HECW2: variants seen among roughly 807,000 people sequenced by gnomAD.
HECW2 encodes the protein HECT, C2 and WW domain containing E3 ubiquitin protein ligase 2.
In HECW2, 61 loss-of-function variants were observed where a neutral mutation model predicts 175.2. The ratio of observed to expected loss-of-function variants is 0.35; its 90% CI spans 0.28 to 0.43. HECW2 has a LOEUF of 0.43. Among genes scored for constraint, HECW2 ranks in the 20% least tolerant of loss-of-function variants. HECW2 has a pLI of 1.00. For missense variants in HECW2, 1,524 were observed against 2,000.5 expected (o/e 0.76, Z 4.54); for synonymous variants, 671 against 731.0 (o/e 0.92, Z 1.32).
At chr2:196,293,986 A>G (rs542115464) in intron 13 of HECW2, among the ~76,000 whole-genome samples, 1 of 152,328 alleles carries the variant, frequency 6.6e-6, no homozygotes, top group Non-Finnish European at 1.5e-5. Flanking sequence ...GGTGAATGGA[A>G]TAGCAGGCTG....
At chr2:196,592,931 A>T (rs1320533923) in intron 1 of HECW2, 1 of 151,194 alleles carries the variant, frequency 6.6e-6, no homozygotes, top group Non-Finnish European at 1.5e-5. Context: ...CGCGCGTTGC[A>T]TGCAGCTCAC....
intron 28 of HECW2, among the ~76,000 whole-genome samples, chr2:196,204,483 T>C (rs1195769630): frequency 6.6e-6 from 1 of 152,190 alleles, no homozygotes; most frequent in African/African-American, 2.4e-5. Flanking sequence ...ATGAATTCTA[T>C]AGCTGCAAGG....
At chr2:196,307,344 C>T (rs1266469079) in intron 11 of HECW2, 111 bp from the exon 12 acceptor site, 2 of 620,746 alleles carry the variant, frequency 3.2e-6, no homozygotes, top group Non-Finnish European at 5.6e-6. Context: ...ACTATTTCCT[C>T]CTCCAACCCC....
intron 7 of HECW2, among the ~76,000 whole-genome samples, chr2:196,321,385 T>C (rs569408290): frequency 0.01 from 527 of 50,716 alleles, 4 homozygotes; most frequent in African/African-American, 0.024. Flanking sequence ...CTTATTCTTT[T>C]TCTCTCTTTT....
chr2:196,255,147 A>ATTTTTCTTTTT (rs1689008777), intron 18 of HECW2, among the ~76,000 whole-genome samples: 2 of 95,422 alleles, frequency 2.1e-5, no homozygotes, highest in East Asian at 3.3e-4. Flanking sequence ...TAATTTTTCT[A>ATTTTTCTTTTT]TTTTTTTTTT....
At chr2:196,217,120 G>A in intron 26 of HECW2, 27 bp from the exon 27 acceptor site, 1 of 1,561,934 alleles carries the variant, frequency 6.4e-7, no homozygotes. Context: ...AAAAGCCCAT[G>A]TTACTTTGAC....
intron 1 of HECW2, among the ~76,000 whole-genome samples, chr2:196,436,140 C>T (rs1188676619): frequency 6.6e-6 from 1 of 152,150 alleles, no homozygotes; most frequent in Non-Finnish European, 1.5e-5. Flanking sequence ...GTGGCACGCG[C>T]CTGTAATCCC....
chr2:196,239,806 T>C (rs995017469), intron 21 of HECW2: 1 of 152,346 alleles, frequency 6.6e-6, no homozygotes, highest in Admixed American at 6.5e-5. Context: ...CAACAGACAC[T>C]GTGTAGGAGT....
rs561682977 is a variant in HECW2 at position 196,235,694 on chromosome 2, C to T, written c.3764+4755G>A. On this transcript the variant is annotated intron_variant, in intron 21 of 28. Coordinates refer to ENST00000644978, the MANE Select transcript of HECW2 (RefSeq NM_001348768.2). ...TTTTTGAGATGGAGTCTCGCTCTGT[C>T]GCCCTGGCTGGAGTGCAGTGGCGTG... Among the ~76,000 whole-genome samples, 13 of 117,268 alleles carry T rather than the reference C, an allele frequency of 1.1e-4. No individual in the cohort carries two copies. The East Asian group carries it at 1.5e-3, about 13-fold the overall frequency. 76.9% of individuals were successfully genotyped at this position (117,268 alleles called of 152,430 possible). A position where few individuals can be genotyped will look rare whatever the true frequency, so the allele number is the denominator to read the frequency against.
chr2:196,502,320 G>T (rs1687604137), intron 1 of HECW2, among the ~76,000 whole-genome samples: 1 of 152,052 alleles, frequency 6.6e-6, no homozygotes, highest in Admixed American at 6.6e-5. Flanking sequence ...TCCTAGAATG[G>T]ATATTTAAAG....
intron 1 of HECW2, among the ~76,000 whole-genome samples, chr2:196,575,046 A>C (rs1425120342): frequency 7.3e-6 from 1 of 137,876 alleles, no homozygotes; most frequent in Non-Finnish European, 1.5e-5. Flanking sequence ...ATACCACTAT[A>C]CTCCAGCCTG....
At chr2:196,208,369 C>T (rs1399628088) in intron 28 of HECW2, among the ~76,000 whole-genome samples, 1 of 152,208 alleles carries the variant, frequency 6.6e-6, no homozygotes, top group Non-Finnish European at 1.5e-5. Context: ...CTAAAGATTT[C>T]AAATTCACTA....
At chr2:196,571,117 C>T (rs1690369066) in intron 1 of HECW2, among the ~76,000 whole-genome samples, 1 of 152,188 alleles carries the variant, frequency 6.6e-6, no homozygotes. Context: ...ATACTTCTTA[C>T]CCTTATACTC....
intron 13 of HECW2, among the ~76,000 whole-genome samples, chr2:196,295,442 C>A (rs1321988656): frequency 1.3e-5 from 2 of 152,176 alleles, no homozygotes; most frequent in Admixed American, 6.5e-5. Context: ...AAGTTAGAGT[C>A]CTGAGACCAC....
Position 196,440,518 on chromosome 2 carries a change from C to A in HECW2, c.-35-7060G>T, listed in dbSNP as rs1349122575. Among the ~76,000 whole-genome samples, 15 of 152,062 alleles carry A rather than the reference C, an allele frequency of 9.9e-5. 1 individual carries two copies. The highest frequency in any genetic ancestry group is 9.2e-4 in the Admixed American group (14 of 15,266). ...AAATCAAAGCACTCTAAATTTTATA[C>A]CTAAAATTTGAGTTTTAGCTACCCT... On this transcript the variant is annotated intron_variant, in intron 1 of 28. Transcript: ENST00000644978.
At chr2:196,563,006 T>A (rs575616355) in intron 1 of HECW2, among the ~76,000 whole-genome samples, 1 of 152,232 alleles carries the variant, frequency 6.6e-6, no homozygotes, top group South Asian at 2.1e-4. Flanking sequence ...ACGCACAATG[T>A]ACTCCAGCCT....
chr2:196,422,528 T>C (rs1186691404), intron 2 of HECW2, among the ~76,000 whole-genome samples: 2 of 152,090 alleles, frequency 1.3e-5, no homozygotes, highest in Non-Finnish European at 2.9e-5. Context: ...AAGAAGGTGA[T>C]GAGCCTGAGT....
At chr2:196,218,733 G>A (rs1687564429) in intron 26 of HECW2, among the ~76,000 whole-genome samples, 1 of 152,122 alleles carries the variant, frequency 6.6e-6, no homozygotes, top group Admixed American at 6.5e-5. Context: ...GAAAGAATGA[G>A]CTAATAATAT....
At chr2:196,355,147 T>G (rs999040358) in intron 2 of HECW2, among the ~76,000 whole-genome samples, 2 of 152,210 alleles carry the variant, frequency 1.3e-5, no homozygotes, top group Non-Finnish European at 2.9e-5. Flanking sequence ...AATAAGGCAT[T>G]TGCAATAGTT....
Sources: allele counts gnomAD v4.1 joint callset (sites outside exome capture counted in the v4.1 genomes callset), GRCh38; gene constraint gnomAD v4.1.1; transcripts MANE v1.5; gene names NCBI Gene and HGNC (gene_info 2026-07-23, HGNC 2026-07-21).